JOSD2: variants seen among roughly 807,000 people sequenced by gnomAD.
JOSD2 encodes the protein Josephin domain containing 2.
A neutral mutation model predicts 19.3 loss-of-function variants in JOSD2; 20 were observed. The observed-to-expected ratio is 1.04, with a 90% CI of 0.73 to 1.51. The LOEUF (loss-of-function observed/expected upper bound fraction) is 1.51. JOSD2 is among the 40% of genes most tolerant of loss of function. JOSD2 has a pLI of 0.00. For missense variants in JOSD2, 215 were observed against 250.4 expected, an observed-to-expected ratio of 0.86 and a Z score of 0.95; for synonymous variants, 118 against 123.7, an observed-to-expected ratio of 0.95 and a Z score of 0.31.
At position 50,510,418 on chromosome 19, in the gene JOSD2, G is replaced by A. The variant is rs192585908; in HGVS notation, c.14C>T (p.Pro5Leu). 28 of 1,609,576 alleles carry A rather than the reference G, an allele frequency of 1.7e-5. No individual in the cohort carries two copies. In the Admixed American group the frequency reaches 3.7e-4, roughly 21 times the overall value. Residue 5 changes from proline to leucine, a missense_variant, in exon 2 of 5, where the codon CCG (proline) becomes CTG (leucine). By Grantham distance (98) the Pro-to-Leu change is moderately conservative. Coordinates refer to ENST00000598418, the MANE Select transcript of JOSD2 (RefSeq NM_001270639.2). MSQA[P>L]GAQPSPPTVY... ...GGTGGGTGGGCTCGGCTGTGCTCCCGGGGCCTGGGACATGCCGTCCTCGGC... is the reference window on the plus strand; with the variant it reads ...GGTGGGTGGGCTCGGCTGTGCTCCCAGGGCCTGGGACATGCCGTCCTCGGC...
intron 2 of JOSD2, among the ~76,000 whole-genome samples, chr19:50,508,698 CGTGTGT>C (rs58475114): frequency 0.032 from 4,448 of 140,756 alleles, 147 homozygotes; most frequent in African/African-American, 0.087. Flanking sequence ...GGAAAACGCT[CGTGTGT>C]GTGTGTGTGT....
intron 2 of JOSD2, among the ~76,000 whole-genome samples, chr19:50,509,456 C>G (rs1979596173): frequency 6.6e-6 from 1 of 152,036 alleles, no homozygotes. Flanking sequence ...GAGAAGGAAG[C>G]CATGCCGGGC....
chr19:50,506,836 G>A (rs1213386750), intron 3 of JOSD2, among the ~76,000 whole-genome samples: 1 of 95,308 alleles, frequency 1.0e-5, no homozygotes, highest in Non-Finnish European at 2.1e-5. Context: ...AACTCACATC[G>A]GCCCTTCACC....
chr19:50,508,612 A>C (rs1979530278), intron 2 of JOSD2, among the ~76,000 whole-genome samples: 1 of 124,174 alleles, frequency 8.1e-6, no homozygotes, highest in East Asian at 2.5e-4. Context: ...GCCTGTCACC[A>C]CTTGTCTCTG....
At position 50,506,566 on chromosome 19, in the gene JOSD2, C is replaced by A; in HGVS notation, c.279G>T (p.Leu93=). 6.5e-7 allele frequency: 1 copy of A among 1,532,810 alleles called. No individual in the cohort carries two copies. Among genetic ancestry groups the A allele is most frequent in the Non-Finnish European group, 8.8e-7 (1 of 1,137,446 alleles). 95.0% of individuals were successfully genotyped at this position (1,532,810 alleles called of 1,614,324 possible). A position where few individuals can be genotyped will look rare whatever the true frequency, so the allele number is the denominator to read the frequency against. The part of the protein sequence containing the change: ...AAVWWDRRRP[L]SQLALPQVLG... ...GTACCTGGGGCAGGGCCAGCTGGGA[C>A]AGGGGCCTGTGTGGGCAGGGAGGGG... is the stretch of plus-strand genomic sequence containing the variant. Residue 93 remains leucine, a synonymous_variant, in exon 4 of 5, where the codon CTG becomes CTT. Transcript: ENST00000598418.
rs1470439372 is a variant in JOSD2, at chr19:50,511,170, G to A, written c.-71C>T. The A allele has an allele frequency of 6.7e-6, 3 of 446,894 alleles. No individual in the cohort carries two copies. Among genetic ancestry groups the A allele is most frequent in the Admixed American group, 4.7e-5 (2 of 42,126 alleles). The allele number at this position is 446,894 out of a possible 1,614,324, so 27.7% of individuals were successfully genotyped here. ...AGGGGTTTCCGCATCCCCTTCCTGGGCGGCGGCTCTGGGCTCCGAGTGCGG... is the reference window on the plus strand; with the variant it reads ...AGGGGTTTCCGCATCCCCTTCCTGGACGGCGGCTCTGGGCTCCGAGTGCGG... On this transcript the variant is annotated 5_prime_UTR_variant, in exon 1 of 5. Coordinates refer to ENST00000598418, the MANE Select transcript of JOSD2 (RefSeq NM_001270639.2).
At position 50,507,717 on chromosome 19, in the gene JOSD2, C is replaced by T; in HGVS notation, c.147-18G>A. ...GGGCCAACCTGGTAGTGGGGGTGGC[C>T]AGAGCTGAGGTGGGGACCCCTGGAA... On this transcript the variant is annotated intron_variant, in intron 2 of 4. Transcript: ENST00000598418. 5 of 1,606,210 alleles carry T rather than the reference C, an allele frequency of 3.1e-6. No homozygotes were observed. Among genetic ancestry groups the T allele is most frequent in the Non-Finnish European group, 4.2e-6 (5 of 1,177,730 alleles).
In JOSD2 at chr19:50,507,689, CTG is replaced by C; in HGVS notation, c.155_156del (p.Pro52ArgfsTer17). ...AADEICKRLA[P>X]DSRLNPHRSL... ...CTGCGATGAGGGTTCAGCCGGGAGT[CTG>C]GGGCCAACCTGGTAGTGGGGGTGGC... On this transcript the variant is annotated frameshift_variant, in exon 3 of 5. Transcript: ENST00000598418. LOFTEE classifies it high-confidence loss of function. 1 of 1,611,316 alleles carries C rather than the reference CTG, an allele frequency of 6.2e-7. No homozygotes were observed. Among genetic ancestry groups the C allele is most frequent in the African/African-American group, 1.3e-5 (1 of 75,046 alleles).
intron 3 of JOSD2, 67 bp from the exon 4 acceptor site, chr19:50,506,639 C>T (rs2122703858): frequency 1.4e-6 from 2 of 1,398,444 alleles, no homozygotes; most frequent in South Asian, 1.4e-5. Context: ...TGTTGCTGAA[C>T]ATGTGGGGCC....
chr19:50,507,459 C>G, intron 3 of JOSD2, 115 bp downstream of exon 3: 1 of 1,417,812 alleles, frequency 7.1e-7, no homozygotes, highest in South Asian at 1.4e-5. Flanking sequence ...CCAGGCTTCC[C>G]ACATTCATGC....
chr19:50,507,998 TCCTGC>T (rs1979489829), intron 2 of JOSD2: 2 of 466,014 alleles, frequency 4.3e-6, no homozygotes, highest in African/African-American at 5.9e-5. Flanking sequence ...GTCCTGTCTC[TCCTGC>T]CCTGACTCTG....
intron 2 of JOSD2, among the ~76,000 whole-genome samples, chr19:50,509,218 C>A (rs1979580512): frequency 6.6e-6 from 1 of 150,662 alleles, no homozygotes; most frequent in African/African-American, 2.5e-5. Context: ...GCTGGGACTA[C>A]AGACATGTGC....
chr19:50,506,788 AC>A, intron 3 of JOSD2, among the ~76,000 whole-genome samples: 1 of 20,194 alleles, frequency 5.0e-5, no homozygotes, highest in African/African-American at 1.9e-4. Context: ...CCTCCCACCC[AC>A]CCACCCACCG....
chr19:50,507,909 C>T (rs1979482579), intron 2 of JOSD2: 1 of 630,496 alleles, frequency 1.6e-6, no homozygotes, highest in Non-Finnish European at 2.7e-6. Context: ...GCCCTGTCCC[C>T]AAGTCCTGCC....
Position 50,510,270 on chromosome 19 carries a change from G to T in JOSD2, c.146+16C>A. The stretch of plus-strand genomic sequence containing the variant: ...AGAGCTCTGCTGCTCCAGGGGCTGG[G>T]GTGGGTGACGGTCACCTCTTGCAGA... On this transcript the variant is annotated intron_variant, in intron 2 of 4. Coordinates refer to ENST00000598418, the MANE Select transcript of JOSD2 (RefSeq NM_001270639.2). 1 of 1,613,172 alleles carries T rather than the reference G, an allele frequency of 6.2e-7. No homozygotes were observed. The highest frequency in any genetic ancestry group is 1.1e-5 in the South Asian group (1 of 91,078).
chr19:50,510,432 G>A lies in JOSD2; in HGVS notation c.-1C>T. On this transcript the variant is annotated 5_prime_UTR_variant, in exon 2 of 5. Transcript: ENST00000598418. ...GCTGTGCTCCCGGGGCCTGGGACAT[G>A]CCGTCCTCGGCTCCTGCTGGGGGTT... 1 of 1,603,888 alleles carries A rather than the reference G, an allele frequency of 6.2e-7. No homozygotes were observed. The highest frequency in any genetic ancestry group is 8.5e-7 in the Non-Finnish European group (1 of 1,174,708).
intron 2 of JOSD2, among the ~76,000 whole-genome samples, chr19:50,509,103 A>ATTTT (rs34345488): frequency 1.7e-4 from 20 of 115,150 alleles, no homozygotes; most frequent in East Asian, 5.0e-4. Flanking sequence ...TAAAGGAGTG[A>ATTTT]TTTTTTTTTT....
intron 2 of JOSD2, 68 bp downstream of exon 2, chr19:50,510,218 G>A (rs1040483033): frequency 1.9e-5 from 31 of 1,599,716 alleles, no homozygotes; most frequent in Middle Eastern, 3.4e-4. Flanking sequence ...CCTGCCTGGC[G>A]GCGAGACCCA....
At chr19:50,509,793 C>A (rs1979626765) in intron 2 of JOSD2, among the ~76,000 whole-genome samples, 1 of 151,926 alleles carries the variant, frequency 6.6e-6, no homozygotes, top group Non-Finnish European at 1.5e-5. Flanking sequence ...GTGGCTCACG[C>A]CTGTAATCCT....
Sources: allele counts gnomAD v4.1 joint callset (sites outside exome capture counted in the v4.1 genomes callset), GRCh38; gene constraint gnomAD v4.1.1; transcripts MANE v1.5; gene names NCBI Gene and HGNC (gene_info 2026-07-23, HGNC 2026-07-21).